Variants in CIB2 observed in about 807,000 individuals in gnomAD.
CIB2 encodes the protein calcium and integrin-binding family member 2.
Under a neutral mutation model 23.1 loss-of-function variants are expected in CIB2, and 19 were observed. That is an observed-to-expected ratio of 0.82 (90% CI 0.57 to 1.21). CIB2 has a LOEUF of 1.21. Among genes scored for constraint, CIB2 ranks in the 50% most tolerant of loss-of-function variants. CIB2 has a pLI of 0.00. For synonymous variants in CIB2, 94 were observed against 91.7 expected, an observed-to-expected ratio of 1.03 and a Z score of -0.14; for missense variants, 220 against 241.5, an observed-to-expected ratio of 0.91 and a Z score of 0.59.
intron 5 of CIB2, 37 bp downstream of exon 5, chr15:78,105,702 C>A: frequency 6.2e-7 from 1 of 1,613,070 alleles, no homozygotes. Context: ...CTGCCCTGCT[C>A]TGCCCTGCCC....
At chr15:78,111,302 C>A in intron 2 of CIB2, 26 bp from the exon 3 acceptor site, 2 of 1,591,166 alleles carry the variant, frequency 1.3e-6, no homozygotes, top group South Asian at 1.1e-5. Flanking sequence ...AGAAAAAGCG[C>A]TGGAGGGGGT....
chr15:78,118,082 A>T (rs2074264157), intron 2 of CIB2, among the ~76,000 whole-genome samples: 1 of 152,244 alleles, frequency 6.6e-6, no homozygotes, highest in African/African-American at 2.4e-5. Flanking sequence ...AAAATATTGT[A>T]TCAGAATATC....
In CIB2 at chr15:78,131,319, G is replaced by T; in HGVS notation, c.-104C>A. On this transcript the variant is annotated 5_prime_UTR_variant, in exon 1 of 6. Coordinates refer to ENST00000258930, the MANE Select transcript of CIB2 (RefSeq NM_006383.4). This position sits in a 1 kb window ranked among gnomAD's most constrained non-coding sequence, Gnocchi z 5.8. ...TGCCCGCGGCCCTCGGCAGCCCCGC[G>T]GCTGGCAGCGGCCCACGGTGGCCGG... The T allele has an allele frequency of 1.1e-6, 1 of 919,172 alleles. No individual in the cohort carries two copies. Among genetic ancestry groups the T allele is most frequent in the South Asian group, 5.2e-5 (1 of 19,154 alleles). 56.9% of individuals were successfully genotyped at this position (919,172 alleles called of 1,614,324 possible). A position where few individuals can be genotyped will look rare whatever the true frequency, so the allele number is the denominator to read the frequency against.
intron 2 of CIB2, among the ~76,000 whole-genome samples, chr15:78,112,542 G>C (rs1374102047): frequency 1.3e-5 from 2 of 152,234 alleles, no homozygotes; most frequent in East Asian, 3.8e-4. Flanking sequence ...ATTCCAGCCT[G>C]GGCAACAGAG....
At position 78,109,212 on chromosome 15, in the gene CIB2, C is replaced by T. The variant is rs372817493; in HGVS notation, c.346+23G>A. ...CATGTTCCCCCACCGCATATTCAGG[C>T]CCCCTCCTCTAGCCCTGGTTACCAT... On this transcript the variant is annotated intron_variant, in intron 4 of 5. Coordinates refer to ENST00000258930, the MANE Select transcript of CIB2 (RefSeq NM_006383.4). The T allele has an allele frequency of 1.6e-4, 150 of 931,678 alleles. 2 individuals are homozygous for T. Among genetic ancestry groups the T allele is most frequent in the Non-Finnish European group, 2.2e-4 (142 of 633,424 alleles). The allele number at this position is 931,678 out of a possible 1,614,324, so 57.7% of individuals were successfully genotyped here. A position where few individuals can be genotyped will look rare whatever the true frequency, so the allele number is the denominator to read the frequency against.
At chr15:78,110,719 A>C (rs1249845986) in intron 3 of CIB2, 1 of 456,364 alleles carries the variant, frequency 2.2e-6, no homozygotes, top group Admixed American at 2.3e-5. Flanking sequence ...CTGAATTGGC[A>C]TTTGGACAAG....
At chr15:78,109,192 T>TGGG in intron 4 of CIB2, 43 bp downstream of exon 4, 3 of 1,241,540 alleles carry the variant, frequency 2.4e-6, no homozygotes, top group East Asian at 2.8e-5. Context: ...CCCCACATGT[T>TGGG]CCCCCACCGC....
In CIB2 at chr15:78,105,886, A is replaced by G. The variant is rs373087267; in HGVS notation, c.395T>C (p.Leu132Pro). 1 of 1,614,198 alleles carries G rather than the reference A, an allele frequency of 6.2e-7. No individual in the cohort carries two copies. Residue 132 changes from leucine (L) to proline (P), a missense_variant, in exon 5 of 6, where the codon CTG (leucine) becomes CCG (proline). Transcript: ENST00000258930. ...CAGCTCTGACTTAGTGAGCCGGGCC[A>G]GCGTCAGCTCCAGGTCCTCCTTGCA... ...FICKEDLELT[L>P]ARLTKSELDE... is the part of the protein sequence containing the mutation.
chr15:78,105,158 A>C lies in CIB2; in HGVS notation c.*153T>G. On this transcript the variant is annotated 3_prime_UTR_variant, in exon 6 of 6. Transcript: ENST00000258930. ...ACCTTCACAGGCCCCCTTCCTGGTTAAGGTTTTTTTTTTGCTGAAAGGGCC... is the reference window on the plus strand; with the variant it reads ...ACCTTCACAGGCCCCCTTCCTGGTTCAGGTTTTTTTTTTGCTGAAAGGGCC... The C allele has an allele frequency of 9.4e-7, 1 of 1,060,484 alleles. No individual in the cohort carries two copies. Among genetic ancestry groups the C allele is most frequent in the Non-Finnish European group, 1.4e-6 (1 of 732,002 alleles). The allele number at this position is 1,060,484 out of a possible 1,614,324, so 65.7% of individuals were successfully genotyped here. A position where few individuals can be genotyped will look rare whatever the true frequency, so the allele number is the denominator to read the frequency against.
intron 2 of CIB2, among the ~76,000 whole-genome samples, chr15:78,117,597 A>G (rs1473372971): frequency 6.6e-6 from 1 of 152,208 alleles, no homozygotes; most frequent in Non-Finnish European, 1.5e-5. Flanking sequence ...GAAATAATAA[A>G]TTTAGAATTT....
intron 2 of CIB2, among the ~76,000 whole-genome samples, chr15:78,113,850 T>C (rs16969508): frequency 0.035 from 5,338 of 152,284 alleles, 137 homozygotes; most frequent in East Asian, 0.15. Flanking sequence ...CTTTGACATA[T>C]CCATTGTGCT....
chr15:78,121,217 C>T (rs925808148), intron 2 of CIB2, among the ~76,000 whole-genome samples: 6 of 152,194 alleles, frequency 3.9e-5, no homozygotes, highest in African/African-American at 1.2e-4. Flanking sequence ...AACACCATCA[C>T]CCAGCCCTCC....
chr15:78,117,275 A>AAAAAAAAAAAAAAAAATT (rs2074254789), intron 2 of CIB2, among the ~76,000 whole-genome samples: 1 of 139,262 alleles, frequency 7.2e-6, no homozygotes, highest in Non-Finnish European at 1.5e-5. Flanking sequence ...AAAAAAAAAA[A>AAAAAAAAAAAAAAAAATT]GTTTGTTTAA....
chr15:78,121,740 AT>A (rs1345604888), intron 2 of CIB2, among the ~76,000 whole-genome samples: 3 of 152,168 alleles, frequency 2.0e-5, no homozygotes, highest in Non-Finnish European at 4.4e-5. Context: ...ATGTGGAGCC[AT>A]GAATCAATTA....
intron 4 of CIB2, among the ~76,000 whole-genome samples, chr15:78,107,384 G>A (rs1013614451): frequency 3.9e-5 from 6 of 152,156 alleles, no homozygotes; most frequent in African/African-American, 9.7e-5. Flanking sequence ...TAGGGTATGC[G>A]TCAGGGAGTA....
intron 1 of CIB2, among the ~76,000 whole-genome samples, chr15:78,124,727 G>A (rs7163268): frequency 0.05 from 7,649 of 152,266 alleles, 285 homozygotes; most frequent in South Asian, 0.15. Flanking sequence ...GCAGAGCCCA[G>A]AGCCCATAGG....
chr15:78,118,649 T>C (rs546743717), intron 2 of CIB2, among the ~76,000 whole-genome samples: 1 of 152,050 alleles, frequency 6.6e-6, no homozygotes, highest in African/African-American at 2.4e-5. Flanking sequence ...TAATTATTAG[T>C]TTTTCTAAAT....
intron 1 of CIB2, among the ~76,000 whole-genome samples, chr15:78,125,342 A>C (rs920784650): frequency 2.0e-5 from 3 of 152,066 alleles, no homozygotes; most frequent in Admixed American, 1.3e-4. Flanking sequence ...GGGCTCTCCC[A>C]CCTAGCCTGG....
Position 78,105,231 on chromosome 15 carries a change from T to C in CIB2, c.*80A>G. On this transcript the variant is annotated 3_prime_UTR_variant, in exon 6 of 6. Transcript: ENST00000258930. The stretch of plus-strand genomic sequence containing the variant: ...ACCCCAGAGGCTGCCACTGCTTTCC[T>C]GGGGAGCTTGGAGGCCACACCCATG... 1.3e-6 allele frequency: 2 copies of C among 1,593,194 alleles called. No homozygotes were observed. The highest frequency in any genetic ancestry group is 1.7e-6 in the Non-Finnish European group (2 of 1,164,250).
Sources: allele counts gnomAD v4.1 joint callset (sites outside exome capture counted in the v4.1 genomes callset), GRCh38; gene constraint gnomAD v4.1.1; non-coding constraint Gnocchi (gnomAD v3.1); transcripts MANE v1.5; gene names NCBI Gene and HGNC (gene_info 2026-07-23, HGNC 2026-07-21).